Variants in B4GALT2 observed in about 807,000 individuals in gnomAD.
The protein encoded by B4GALT2 is N-acetyllactosamine synthase.
B4GALT2 carries 18 observed loss-of-function variants against 33.2 expected under a neutral mutation model. The observed-to-expected ratio is 0.54, with a 90% confidence interval of 0.38 to 0.80. The LOEUF (loss-of-function observed/expected upper bound fraction) is 0.80, where lower values mean the gene tolerates loss of function less well. B4GALT2 is among the 30% of genes least tolerant of loss of function. The pLI is 0.00. For synonymous variants in B4GALT2, 214 were observed against 217.6 expected, an observed-to-expected ratio of 0.98 and a Z score of 0.15; for missense variants, 404 against 526.2, an observed-to-expected ratio of 0.77 and a Z score of 2.27.
At chr1:43,985,708 C>T (rs2085651513) in intron 6 of B4GALT2, 87 bp downstream of exon 6, 1 of 1,292,618 alleles carries the variant, frequency 7.7e-7, no homozygotes. Context: ...AATCCCTGAT[C>T]CCCCAGTGGG....
chr1:43,981,488 T>C lies in B4GALT2; in HGVS notation c.313+15T>C. The C allele has an allele frequency of 6.4e-7, 1 of 1,559,990 alleles. No individual in the cohort carries two copies. The highest frequency in any genetic ancestry group is 1.2e-5 in the South Asian group (1 of 86,390). On this transcript the variant is annotated intron_variant, in intron 2 of 6. Coordinates refer to ENST00000372324, the MANE Select transcript of B4GALT2 (RefSeq NM_003780.5). The surrounding 1 kb of genome is among the most constrained non-coding windows in gnomAD (Gnocchi z 8.1). ...ACCTGGTCTTGGTGAGCCTGGAGGG[T>C]AGGGCCTGCCTGTGGGGAAACAGGG...
chr1:43,985,127 A>C, intron 4 of B4GALT2, 72 bp downstream of exon 4: 1 of 1,584,008 alleles, frequency 6.3e-7, no homozygotes, highest in Admixed American at 1.7e-5. Context: ...CCAGCCCCCG[A>C]GCCCCGCTTG....
intron 6 of B4GALT2, among the ~76,000 whole-genome samples, chr1:43,987,490 G>A (rs901643758): frequency 2.0e-5 from 3 of 152,066 alleles, no homozygotes; most frequent in Middle Eastern, 3.2e-3. Flanking sequence ...TAAAATCTGG[G>A]AGTTCTGGAT....
In B4GALT2 at chr1:43,984,737, C is replaced by A; in HGVS notation, c.550-128C>A. On this transcript the variant is annotated intron_variant, in intron 3 of 6. Transcript: ENST00000372324. The surrounding 1 kb of genome is among the most constrained non-coding windows in gnomAD (Gnocchi z 5.6). ...CCCGGTCGAGAAGCTGGACTAGATC[C>A]TGAGAGCCTGGAGGAGCCATGCAGC... 1 of 989,072 alleles carries A rather than the reference C, an allele frequency of 1.0e-6. No homozygotes were observed. Among genetic ancestry groups the A allele is most frequent in the Non-Finnish European group, 1.5e-6 (1 of 682,250 alleles). 61.3% of individuals were successfully genotyped at this position (989,072 alleles called of 1,614,324 possible).
Position 43,979,823 on chromosome 1 carries a change from C to A in B4GALT2, c.-53+312C>A, listed in dbSNP as rs578076215. 27 of 596,104 alleles carry A rather than the reference C, an allele frequency of 4.5e-5. No individual in the cohort carries two copies. Among genetic ancestry groups the A allele is most frequent in the Non-Finnish European group, 7.9e-5 (27 of 341,344 alleles). 36.9% of individuals were successfully genotyped at this position (596,104 alleles called of 1,614,324 possible). ...GCTGCCCTCCACCCACTCCCCCTGC[C>A]CCCAGGCTCCACACCCACCCGGTCT... On this transcript the variant is annotated intron_variant, in intron 1 of 6. Transcript: ENST00000372324. This position sits in a 1 kb window ranked among gnomAD's most constrained non-coding sequence, Gnocchi z 4.8.
chr1:43,988,846 C>CAA (rs71036648), intron 6 of B4GALT2, among the ~76,000 whole-genome samples: 6,379 of 94,716 alleles, frequency 0.067, 640 homozygotes, highest in African/African-American at 0.2. Flanking sequence ...GACTCTGTCT[C>CAA]AAAAAAAAAA....
intron 4 of B4GALT2, 86 bp from the exon 5 acceptor site, chr1:43,985,192 T>C (rs560028778): frequency 6.5e-5 from 102 of 1,562,306 alleles, no homozygotes; most frequent in African/African-American, 4.7e-4. Context: ...CTGGACCCCA[T>C]TGGACATTCC....
chr1:43,981,185 C>T lies in B4GALT2; in HGVS notation c.25C>T (p.Leu9=), dbSNP rs2085590402. ...GATGAGCAGACTGCTGGGGGGGACG[C>T]TGGAGCGCGTCTGCAAGGCTGTGCT... MSRLLGGT[L]ERVCKAVLLL... The change falls in exon 2 of 7, where the codon CTG becomes TTG. Residue 9 remains leucine, a synonymous_variant. Transcript: ENST00000372324. The surrounding 1 kb of genome is among the most constrained non-coding windows in gnomAD (Gnocchi z 8.1). 9 of 1,600,458 alleles carry T rather than the reference C, an allele frequency of 5.6e-6. No homozygotes were observed. The highest frequency in any genetic ancestry group is 1.1e-5 in the South Asian group (1 of 91,084).
At chr1:43,985,452 G>GCT (rs1553155418) in intron 5 of B4GALT2, 52 bp downstream of exon 5, 1 of 828,574 alleles carries the variant, frequency 1.2e-6, no homozygotes, top group African/African-American at 2.0e-5. Flanking sequence ...GAGGGGGGGT[G>GCT]CAGACTGGGT....
chr1:43,980,116 G>A, intron 1 of B4GALT2: 1 of 1,399,344 alleles, frequency 7.1e-7, no homozygotes, highest in Non-Finnish European at 9.3e-7. Flanking sequence ...GTGTGTCTGA[G>A]TGTGGGTGAC....
chr1:43,979,741 G>T lies in B4GALT2; in HGVS notation c.-53+230G>T. 1 of 398,972 alleles carries T rather than the reference G, an allele frequency of 2.5e-6. No homozygotes were observed. Among genetic ancestry groups the T allele is most frequent in the Non-Finnish European group, 4.6e-6 (1 of 218,714 alleles). 24.7% of individuals were successfully genotyped at this position (398,972 alleles called of 1,614,324 possible). On this transcript the variant is annotated intron_variant, in intron 1 of 6. Transcript: ENST00000372324. This position sits in a 1 kb window ranked among gnomAD's most constrained non-coding sequence, Gnocchi z 4.8. ...TCCCTCATTGTCCTCGCTCGCCCCG[G>T]CCTCGTGGCGCGGGGAGGCGTTCCA...
chr1:43,982,012 GGA>G lies in B4GALT2; in HGVS notation c.549+89_549+90del. On this transcript the variant is annotated intron_variant, in intron 3 of 6. Coordinates refer to ENST00000372324, the MANE Select transcript of B4GALT2 (RefSeq NM_003780.5). The surrounding 1 kb of genome is among the most constrained non-coding windows in gnomAD (Gnocchi z 4.3). ...TCCTTGTCTGCCCGTGTGGATATGT[GGA>G]TGGACCTGGGCGTGGGTAGTCGGTG... 7.5e-7 allele frequency: 1 copy of G among 1,334,354 alleles called. No individual in the cohort carries two copies. Among genetic ancestry groups the G allele is most frequent in the Non-Finnish European group, 1.0e-6 (1 of 955,052 alleles). 82.7% of individuals were successfully genotyped at this position (1,334,354 alleles called of 1,614,324 possible).
At chr1:43,980,651 AAGCCATG>A in intron 1 of B4GALT2, 1 of 937,410 alleles carries the variant, frequency 1.1e-6, no homozygotes, top group Non-Finnish European at 1.3e-6. Context: ...CCTCTTCCCC[AAGCCATG>A]AGTTCTGGGT....
intron 6 of B4GALT2, among the ~76,000 whole-genome samples, chr1:43,988,203 G>T (rs560813505): frequency 6.6e-6 from 1 of 152,170 alleles, no homozygotes; most frequent in South Asian, 2.1e-4. Flanking sequence ...GGGATGCCTG[G>T]TCTCAGGCTT....
Position 43,981,599 on chromosome 1 carries a change from G to T in B4GALT2, c.314-90G>T. The T allele has an allele frequency of 6.5e-7, 1 of 1,533,048 alleles. No homozygotes were observed. The highest frequency in any genetic ancestry group is 1.3e-5 in the South Asian group (1 of 78,718). The allele number at this position is 1,533,048 out of a possible 1,614,324, so 95.0% of individuals were successfully genotyped here. A position where few individuals can be genotyped will look rare whatever the true frequency, so the allele number is the denominator to read the frequency against. The stretch of plus-strand genomic sequence containing the variant: ...CTGTTGTAAGAGGGCTATTCTTGGG[G>T]TTCCCTAGCCCACCCCCAGGCTGAG... On this transcript the variant is annotated intron_variant, in intron 2 of 6. Coordinates refer to ENST00000372324, the MANE Select transcript of B4GALT2 (RefSeq NM_003780.5). This position sits in a 1 kb window ranked among gnomAD's most constrained non-coding sequence, Gnocchi z 8.1.
At position 43,985,050 on chromosome 1, in the gene B4GALT2, C is replaced by T. The variant is rs753082581; in HGVS notation, c.735C>T (p.Gly245=). The change falls in exon 4 of 7, where the codon GGC becomes GGT. Residue 245 remains glycine, a synonymous_variant. Transcript: ENST00000372324. The stretch of plus-strand genomic sequence containing the variant: ...TTGCCATTGCCATGGACAAGTTTGG[C>T]TTCCGGTGAGGGCTCTCTTCTCAGC... ...RHFAIAMDKF[G]FRLPYAGYFG... 2.5e-6 allele frequency: 4 copies of T among 1,613,746 alleles called. No homozygotes were observed. The South Asian group carries it at 3.3e-5, about 13-fold the overall frequency.
chr1:43,980,975 T>G, intron 1 of B4GALT2, 134 bp from the exon 2 acceptor site: 1 of 1,247,940 alleles, frequency 8.0e-7, no homozygotes, highest in African/African-American at 1.5e-5. Context: ...CTTGAGTCTG[T>G]GAGTGTGAAA....
intron 6 of B4GALT2, among the ~76,000 whole-genome samples, chr1:43,988,925 G>A (rs1203936317): frequency 6.6e-6 from 1 of 151,012 alleles, no homozygotes; most frequent in African/African-American, 2.4e-5. Context: ...TGGAGCAGCT[G>A]ACATCTCTGT....
At chr1:43,985,201 C>A in intron 4 of B4GALT2, 77 bp from the exon 5 acceptor site, 1 of 1,562,422 alleles carries the variant, frequency 6.4e-7, no homozygotes, top group Non-Finnish European at 8.7e-7. Context: ...ATTGGACATT[C>A]CCCCCGACCT....
Sources: gnomAD v4.1 joint callset for allele counts (sites outside exome capture counted in the v4.1 genomes callset) on GRCh38, gnomAD v4.1.1 for gene constraint, Gnocchi (gnomAD v3.1) non-coding constraint, MANE v1.5 for transcripts, NCBI Gene and HGNC (gene_info 2026-07-23, HGNC 2026-07-21) for gene names.